PIK3C2G: variants seen among roughly 807,000 people sequenced by gnomAD.
The protein encoded by PIK3C2G is phosphatidylinositol-4-phosphate 3-kinase catalytic subunit type 2 gamma.
PIK3C2G carries 168 observed loss-of-function variants against 181.1 expected under a neutral mutation model. The observed-to-expected ratio is 0.93, with a 90% confidence interval of 0.82 to 1.05. The LOEUF is 1.05. Ranked by LOEUF, PIK3C2G falls within the 50% of genes least tolerant of loss-of-function variation. The probability of loss-of-function intolerance (pLI) is 0.00; values close to 1 mark genes in which losing one functional copy is unlikely to be tolerated. For synonymous variants in PIK3C2G, 573 were observed against 592.2 expected, an observed-to-expected ratio of 0.97 and a Z score of 0.47; for missense variants, 1,869 against 1,732.8, an observed-to-expected ratio of 1.08 and a Z score of -1.40.
chr12:18,637,484 C>T (rs1237961392), intron 31 of PIK3C2G, among the ~76,000 whole-genome samples: 1 of 151,628 alleles, frequency 6.6e-6, no homozygotes, highest in African/African-American at 2.4e-5. Context: ...TAAAAGCTAG[C>T]CTACATCATG....
rs978913903 is a variant in PIK3C2G, at chr12:18,350,850, G to A, written c.1625+4014G>A. On this transcript the variant is annotated intron_variant, in intron 11 of 32. Transcript: ENST00000538779. The stretch of plus-strand genomic sequence containing the variant: ...AAAGTAATAACATTGACAGAAATCC[G>A]AAGAGTTTGATGGGGCCAATATGAT... 3.9e-5 allele frequency among the ~76,000 whole-genome samples: 6 copies of A among 152,136 alleles called. No individual in the cohort carries two copies. In the South Asian group the frequency reaches 6.2e-4, roughly 16 times the overall value.
intron 5 of PIK3C2G, among the ~76,000 whole-genome samples, chr12:18,295,096 C>T (rs974531308): frequency 6.7e-6 from 1 of 149,206 alleles, no homozygotes; most frequent in Non-Finnish European, 1.5e-5. Context: ...ATTTCAATAG[C>T]ATTTTTATAA....
intron 5 of PIK3C2G, among the ~76,000 whole-genome samples, chr12:18,308,986 T>A (rs1950533506): frequency 6.6e-6 from 1 of 151,720 alleles, no homozygotes; most frequent in African/African-American, 2.4e-5. Context: ...TGGAAGTATA[T>A]AAAGAAAATT....
chr12:18,519,618 G>A (rs1316012690), intron 24 of PIK3C2G, among the ~76,000 whole-genome samples: 1 of 152,070 alleles, frequency 6.6e-6, no homozygotes, highest in East Asian at 1.9e-4. Flanking sequence ...GTCTTTGTAT[G>A]TGAGATGAGT....
rs1328199989 is a variant in PIK3C2G, at chr12:18,607,233, A to T, written c.4088-2302A>T. 1.2e-5 allele frequency: 6 copies of T among 505,382 alleles called. No homozygotes were observed. In the East Asian group the frequency reaches 3.3e-4, roughly 28 times the overall value. The allele number at this position is 505,382 out of a possible 1,614,324, so 31.3% of individuals were successfully genotyped here. ...AACAAAATGATTTTAATTGAAAGGA[A>T]TAATATGAGAAACTACTAGAAAGAA... On this transcript the variant is annotated intron_variant, in intron 30 of 32. Coordinates refer to ENST00000538779, the MANE Select transcript of PIK3C2G (RefSeq NM_001288772.2).
rs770019615 is a variant in PIK3C2G at position 18,370,756 on chromosome 12, C to CT, written c.1749-419dup. On this transcript the variant is annotated intron_variant, in intron 12 of 32. Coordinates refer to ENST00000538779, the MANE Select transcript of PIK3C2G (RefSeq NM_001288772.2). ...TCATCCATATATGCCCTTGTCTGTG[C>CT]TTTTTCCTCTTTCTGGAATATTCTT... is the stretch of plus-strand genomic sequence containing the variant. Among the ~76,000 whole-genome samples the CT allele has an allele frequency of 4.6e-5, 7 of 152,092 alleles. No homozygotes were observed. The South Asian group carries it at 1.5e-3, about 32-fold the overall frequency.
chr12:18,256,477 C>T (rs1399724870), intron 1 of PIK3C2G, among the ~76,000 whole-genome samples: 1 of 152,148 alleles, frequency 6.6e-6, no homozygotes, highest in African/African-American at 2.4e-5. Flanking sequence ...AGGAAAGCAT[C>T]ACTCTCAGCC....
At chr12:18,584,182 T>G (rs1477348057) in intron 29 of PIK3C2G, among the ~76,000 whole-genome samples, 1 of 151,656 alleles carries the variant, frequency 6.6e-6, no homozygotes, top group African/African-American at 2.4e-5. Flanking sequence ...CACCCGCCAC[T>G]GTGCCCAGCT....
intron 31 of PIK3C2G, among the ~76,000 whole-genome samples, chr12:18,621,772 A>C (rs1051463009): frequency 6.6e-6 from 1 of 151,810 alleles, no homozygotes; most frequent in African/African-American, 2.4e-5. Flanking sequence ...CCTATTTATC[A>C]TAAGATTCTT....
chr12:18,510,966 C>G (rs1343373607), intron 24 of PIK3C2G, among the ~76,000 whole-genome samples: 2 of 152,110 alleles, frequency 1.3e-5, no homozygotes, highest in Admixed American at 6.5e-5. Flanking sequence ...ACTTTATACT[C>G]TTTGATCAAT....
At chr12:18,695,705 A>C in the PIK3C2G span, among the ~76,000 whole-genome samples, 3,444 of 152,170 alleles carry the variant, frequency 0.023, 52 homozygotes, top group Middle Eastern at 0.061. Flanking sequence ...TTCAATTTGG[A>C]ATAAGAGTCT....
At chr12:18,420,281 G>A (rs1245135074) in intron 16 of PIK3C2G, among the ~76,000 whole-genome samples, 1 of 151,994 alleles carries the variant, frequency 6.6e-6, no homozygotes, top group African/African-American at 2.4e-5. Context: ...TCCATTTCAG[G>A]ATAAATTGTC....
At chr12:18,477,991 C>T (rs1288538059) in intron 18 of PIK3C2G, among the ~76,000 whole-genome samples, 2 of 152,080 alleles carry the variant, frequency 1.3e-5, no homozygotes, top group Non-Finnish European at 2.9e-5. Context: ...TATTAGTTTG[C>T]TATTCTTATG....
chr12:18,333,190 C>G (rs907896496), intron 8 of PIK3C2G, among the ~76,000 whole-genome samples: 1 of 152,034 alleles, frequency 6.6e-6, no homozygotes, highest in South Asian at 2.1e-4. Flanking sequence ...ACTTTATGAC[C>G]TTAGATCTCA....
At chr12:18,687,425 A>ACTT in the PIK3C2G span, among the ~76,000 whole-genome samples, 1 of 152,128 alleles carries the variant, frequency 6.6e-6, no homozygotes, top group African/African-American at 2.4e-5. Flanking sequence ...CTTCAAGGTG[A>ACTT]TCCTGACCAG....
Position 18,513,326 on chromosome 12 carries a change from G to T in PIK3C2G, c.3323+7865G>T, listed in dbSNP as rs1942331459. 2.6e-5 allele frequency among the ~76,000 whole-genome samples: 4 copies of T among 151,382 alleles called. 1 individual carries two copies. Reference sequence around the variant, plus strand: ...CTAGTCTTATAAAATGAGTTTGAAAGAATTTCTTCTATTTCATTTTTGTGG... The same window carrying T: ...CTAGTCTTATAAAATGAGTTTGAAATAATTTCTTCTATTTCATTTTTGTGG... On this transcript the variant is annotated intron_variant, in intron 24 of 32. Transcript: ENST00000538779.
At chr12:18,527,762 AAT>A (rs1203810269) in intron 24 of PIK3C2G, among the ~76,000 whole-genome samples, 2 of 152,132 alleles carry the variant, frequency 1.3e-5, no homozygotes, top group Non-Finnish European at 2.9e-5. Context: ...ATTCAGACAC[AAT>A]ATATTATACT....
At chr12:18,576,283 A>C (rs1402011710) in intron 29 of PIK3C2G, among the ~76,000 whole-genome samples, 1 of 152,204 alleles carries the variant, frequency 6.6e-6, no homozygotes, top group East Asian at 1.9e-4. Context: ...AATCCTCTTC[A>C]CTGCCAGCTC....
intron 11 of PIK3C2G, among the ~76,000 whole-genome samples, chr12:18,347,973 AT>A (rs1939839152): frequency 6.6e-6 from 1 of 152,050 alleles, no homozygotes. Flanking sequence ...ATAAAATAAT[AT>A]TTTTATTCTT....
Sources: allele counts gnomAD v4.1 joint callset (sites outside exome capture counted in the v4.1 genomes callset), GRCh38; gene constraint gnomAD v4.1.1; transcripts MANE v1.5; gene names NCBI Gene and HGNC (gene_info 2026-07-23, HGNC 2026-07-21).